The following CAMK2D variants were observed in gnomAD, a reference collection of about 807,000 sequenced individuals.
CAMK2D encodes calcium/calmodulin dependent protein kinase II delta.
CAMK2D carries 37 observed loss-of-function variants against 84.0 expected under a neutral mutation model. The ratio of observed to expected loss-of-function variants is 0.44; its 90% CI spans 0.34 to 0.58. The LOEUF is 0.58. CAMK2D is among the 20% of genes least tolerant of loss of function. CAMK2D has a pLI of 0.02. For missense variants in CAMK2D, 448 were observed against 652.5 expected, an observed-to-expected ratio of 0.69 and a Z score of 3.41; for synonymous variants, 202 against 212.5, an observed-to-expected ratio of 0.95 and a Z score of 0.43.
intron 2 of CAMK2D, among the ~76,000 whole-genome samples, chr4:113,722,247 T>C (rs2099532778): frequency 6.6e-6 from 1 of 152,196 alleles, no homozygotes; most frequent in Admixed American, 6.5e-5. Flanking sequence ...CTTATTTGTC[T>C]TCATGATGCC....
intron 13 of CAMK2D, among the ~76,000 whole-genome samples, chr4:113,507,212 CAA>C (rs2154156667): frequency 6.6e-6 from 1 of 150,844 alleles, no homozygotes; most frequent in East Asian, 1.9e-4. Flanking sequence ...ACGTTCTTTT[CAA>C]AGAGTCAAAT....
chr4:113,574,471 C>T lies in CAMK2D; in HGVS notation c.276-22375G>A, dbSNP rs188461276. Among the ~76,000 whole-genome samples the T allele has an allele frequency of 1.6e-3, 243 of 152,266 alleles. 2 individuals are homozygous for T. The highest frequency in any genetic ancestry group is 5.6e-3 in the African/African-American group (232 of 41,550). On this transcript the variant is annotated intron_variant, in intron 4 of 20. Transcript: ENST00000511664. ...AGCACAGAATAGTGGGATAATCTTTCCAAGGTCATCAGTCACGAAGGAAAA... is the reference window on the plus strand; with the variant it reads ...AGCACAGAATAGTGGGATAATCTTTTCAAGGTCATCAGTCACGAAGGAAAA...
At position 113,735,434 on chromosome 4, in the gene CAMK2D, C is replaced by T. The variant is rs779350589; in HGVS notation, c.160+23886G>A. ...AGGTTGTGGTGAGCTGAGATTGCAC[C>T]GCTGTACTACAACCTGAGTGACAGA... On this transcript the variant is annotated intron_variant, in intron 2 of 20. Transcript: ENST00000511664. Among the ~76,000 whole-genome samples, 12 of 151,546 alleles carry T rather than the reference C, an allele frequency of 7.9e-5. No homozygotes were observed. In the Middle Eastern group the frequency reaches 0.01, roughly 131 times the overall value.
chr4:113,730,481 T>C (rs1467195868), intron 2 of CAMK2D, among the ~76,000 whole-genome samples: 1 of 152,192 alleles, frequency 6.6e-6, no homozygotes, highest in Non-Finnish European at 1.5e-5. Context: ...ATATATACTA[T>C]AAAAACATTT....
At chr4:113,541,393 C>A (rs1364236054) in intron 6 of CAMK2D, among the ~76,000 whole-genome samples, 1 of 152,274 alleles carries the variant, frequency 6.6e-6, no homozygotes, top group African/African-American at 2.4e-5. Context: ...ATATTTACTA[C>A]CCATATCCAA....
chr4:113,646,456 G>C (rs2099152463), intron 3 of CAMK2D, among the ~76,000 whole-genome samples: 1 of 152,202 alleles, frequency 6.6e-6, no homozygotes, highest in Non-Finnish European at 1.5e-5. Context: ...AAGGATGCTA[G>C]GGAGTGCTGG....
rs142411815 is a variant in CAMK2D at position 113,645,162 on chromosome 4, G to A, written c.220+16551C>T. Among the ~76,000 whole-genome samples, 506 of 152,032 alleles carry A rather than the reference G, an allele frequency of 3.3e-3. 1 individual carries two copies. Among genetic ancestry groups the A allele is most frequent in the African/African-American group, 0.011 (473 of 41,490 alleles). ...CTCCTGAGTAGCTGGGACTACAGGC[G>A]CCCGCCACCACGCCCAGCTAATTTT... On this transcript the variant is annotated intron_variant, in intron 3 of 20. Coordinates refer to ENST00000511664, the MANE Select transcript of CAMK2D (RefSeq NM_001321571.2).
chr4:113,582,132 T>G (rs1430531433), intron 4 of CAMK2D, among the ~76,000 whole-genome samples: 2 of 152,200 alleles, frequency 1.3e-5, no homozygotes, highest in Non-Finnish European at 1.5e-5. Context: ...AGAATTTTGG[T>G]CTGTCTTGGT....
chr4:113,469,602 A>G (rs1364649435), intron 16 of CAMK2D, among the ~76,000 whole-genome samples: 3 of 152,156 alleles, frequency 2.0e-5, no homozygotes. Context: ...CTCTTCCTTC[A>G]GATCTATGTG....
intron 2 of CAMK2D, among the ~76,000 whole-genome samples, chr4:113,757,996 C>A (rs1213314253): frequency 2.6e-5 from 4 of 152,052 alleles, no homozygotes; most frequent in South Asian, 4.1e-4. Flanking sequence ...AGAAATGATA[C>A]CCCCACCACA....
At chr4:113,507,664 A>C (rs1171210136) in intron 13 of CAMK2D, among the ~76,000 whole-genome samples, 2 of 152,176 alleles carry the variant, frequency 1.3e-5, no homozygotes, top group African/African-American at 4.8e-5. Context: ...TTTTTAAAAA[A>C]TCATGAATCA....
chr4:113,672,680 A>G (rs1347366476), intron 2 of CAMK2D, among the ~76,000 whole-genome samples: 1 of 151,400 alleles, frequency 6.6e-6, no homozygotes, highest in Non-Finnish European at 1.5e-5. Context: ...CTATTAATTG[A>G]ATTAATTTAA....
intron 2 of CAMK2D, among the ~76,000 whole-genome samples, chr4:113,713,952 T>C (rs1430606693): frequency 1.3e-5 from 2 of 151,950 alleles, no homozygotes; most frequent in African/African-American, 4.8e-5. Context: ...AATTTTTTAC[T>C]GATGGCATCT....
intron 16 of CAMK2D, among the ~76,000 whole-genome samples, chr4:113,468,136 A>T (rs997747898): frequency 8.5e-5 from 13 of 152,136 alleles, no homozygotes; most frequent in Non-Finnish European, 4.4e-5. Flanking sequence ...CTGCCTCACA[A>T]GCATAATATG....
intron 13 of CAMK2D, among the ~76,000 whole-genome samples, chr4:113,507,150 A>G (rs2098138685): frequency 6.6e-6 from 1 of 152,218 alleles, no homozygotes; most frequent in Non-Finnish European, 1.5e-5. Context: ...GTTATTTATA[A>G]TATTAATTTA....
rs2099493118 is a variant in CAMK2D at position 113,711,689 on chromosome 4, G to A, written c.160+47631C>T. ...GAATTTACTTATAACGGCTATCACA[G>A]TGAAATGGACCCTACATTTAACTTA... On this transcript the variant is annotated intron_variant, in intron 2 of 20. Coordinates refer to ENST00000511664, the MANE Select transcript of CAMK2D (RefSeq NM_001321571.2). Among the ~76,000 whole-genome samples, 3 of 152,096 alleles carry A rather than the reference G, an allele frequency of 2.0e-5. No individual in the cohort carries two copies. In the South Asian group the frequency reaches 6.2e-4, roughly 31 times the overall value.
At chr4:113,733,337 T>G (rs1029339308) in intron 2 of CAMK2D, among the ~76,000 whole-genome samples, 52 of 152,222 alleles carry the variant, frequency 3.4e-4, no homozygotes, top group African/African-American at 1.1e-3. Flanking sequence ...TGAGTAAGCA[T>G]TTTTACTTTA....
chr4:113,654,592 T>C (rs1317469907), intron 3 of CAMK2D, among the ~76,000 whole-genome samples: 1 of 151,960 alleles, frequency 6.6e-6, no homozygotes, highest in Non-Finnish European at 1.5e-5. Flanking sequence ...ACCTCAAAAC[T>C]CTCCTCAAAA....
chr4:113,462,725 A>T (rs906802232), intron 17 of CAMK2D, among the ~76,000 whole-genome samples: 1 of 152,188 alleles, frequency 6.6e-6, no homozygotes, highest in Non-Finnish European at 1.5e-5. Context: ...ATCTGTTTAT[A>T]AATTTAGAAA....
Sources: gnomAD v4.1 joint callset for allele counts (sites outside exome capture counted in the v4.1 genomes callset) on GRCh38, gnomAD v4.1.1 for gene constraint, MANE v1.5 for transcripts, NCBI Gene and HGNC (gene_info 2026-07-23, HGNC 2026-07-21) for gene names.